PGM5: variants seen among roughly 807,000 people sequenced by gnomAD.
The protein encoded by PGM5 is phosphoglucomutase-like protein 5.
Under a neutral mutation model 59.2 loss-of-function variants are expected in PGM5, and 23 were observed. The ratio of observed to expected loss-of-function variants is 0.39; its 90% CI spans 0.28 to 0.55. The LOEUF (loss-of-function observed/expected upper bound fraction) is 0.55. Ranked by LOEUF, PGM5 falls within the 20% of genes least tolerant of loss-of-function variation. The pLI is 0.66. For missense variants in PGM5, 574 were observed against 748.3 expected (o/e 0.77, Z 2.72); for synonymous variants, 214 against 286.0 (o/e 0.75, Z 2.54).
chr9:68,518,981 A>G (rs1009173537), intron 10 of PGM5, among the ~76,000 whole-genome samples: 4 of 152,226 alleles, frequency 2.6e-5, no homozygotes. Flanking sequence ...ATCTAGACAC[A>G]TCAGGCTAAA....
chr9:68,427,468 C>G (rs1282505899), intron 6 of PGM5, among the ~76,000 whole-genome samples: 4 of 152,166 alleles, frequency 2.6e-5, no homozygotes, highest in African/African-American at 9.7e-5. Context: ...TCCAAATCCC[C>G]TCTGGAGCAG....
chr9:68,444,385 A>G lies in PGM5; in HGVS notation c.1044-20708A>G, dbSNP rs374871512. Among the ~76,000 whole-genome samples, 51 of 152,300 alleles carry G rather than the reference A, an allele frequency of 3.3e-4. 1 individual carries two copies. The South Asian group carries it at 7.9e-3, about 24-fold the overall frequency. On this transcript the variant is annotated intron_variant, in intron 6 of 10. Coordinates refer to ENST00000396396, the MANE Select transcript of PGM5 (RefSeq NM_021965.4). ...ATAAGGAAATGGGTCAAGTAGAATTATTGGGGTGCTAGAAGCAAGACCAAT... is the reference window on the plus strand; with the variant it reads ...ATAAGGAAATGGGTCAAGTAGAATTGTTGGGGTGCTAGAAGCAAGACCAAT...
At chr9:68,451,094 C>T (rs996575980) in intron 6 of PGM5, among the ~76,000 whole-genome samples, 3 of 152,160 alleles carry the variant, frequency 2.0e-5, no homozygotes, top group Non-Finnish European at 4.4e-5. Context: ...CATCCATACA[C>T]AAACACATAC....
At chr9:68,482,849 ACAT>A (rs1824220265) in intron 8 of PGM5, among the ~76,000 whole-genome samples, 1 of 152,276 alleles carries the variant, frequency 6.6e-6, no homozygotes, top group African/African-American at 2.4e-5. Flanking sequence ...CTCTTGGTAT[ACAT>A]CATCATATTT....
At chr9:68,370,098 G>A (rs1834755678) in intron 1 of PGM5, among the ~76,000 whole-genome samples, 1 of 151,822 alleles carries the variant, frequency 6.6e-6, no homozygotes, top group South Asian at 2.1e-4. Context: ...GCTTGCCACA[G>A]CCCTTCGTAG....
At chr9:68,440,980 G>A (rs1602751) in intron 6 of PGM5, among the ~76,000 whole-genome samples, 92,510 of 151,776 alleles carry the variant, frequency 0.61, 28,148 homozygotes, top group African/African-American at 0.63. Flanking sequence ...GAATACTACT[G>A]TAGACCCTTT....
chr9:68,398,782 T>C (rs1822582123), intron 6 of PGM5: 1 of 152,164 alleles, frequency 6.6e-6, no homozygotes, highest in African/African-American at 2.4e-5. Flanking sequence ...TGGCCCATCT[T>C]TTTGCTTATT....
chr9:68,361,742 A>G (rs1483512646), intron 1 of PGM5, among the ~76,000 whole-genome samples: 1 of 152,046 alleles, frequency 6.6e-6, no homozygotes, highest in Non-Finnish European at 1.5e-5. Flanking sequence ...TAATACCAGC[A>G]CCTTTGGGGT....
intron 6 of PGM5, among the ~76,000 whole-genome samples, chr9:68,449,836 C>T (rs782502234): frequency 3.3e-5 from 5 of 152,162 alleles, no homozygotes; most frequent in African/African-American, 4.8e-5. Context: ...TTACAAGTGT[C>T]GCAGAATTAA....
In PGM5 at chr9:68,430,991, C is replaced by G. The variant is rs141122883; in HGVS notation, c.1044-34102C>G. Among the ~76,000 whole-genome samples the G allele has an allele frequency of 3.0e-3, 458 of 152,162 alleles. 3 individuals are homozygous for G. The highest frequency in any genetic ancestry group is 4.1e-3 in the Non-Finnish European group (276 of 68,004). On this transcript the variant is annotated intron_variant, in intron 6 of 10. Transcript: ENST00000396396. ...AAAGACAGTCATACAGGTGTCATAC[C>G]CACCTTTTCCTCTAGAATATATTAT...
intron 1 of PGM5, among the ~76,000 whole-genome samples, chr9:68,366,263 G>A (rs1554676667): frequency 6.6e-6 from 1 of 151,878 alleles, no homozygotes; most frequent in South Asian, 2.1e-4. Flanking sequence ...ACTCACTGCA[G>A]CATTTTGCTA....
chr9:68,414,954 T>C (rs554012021), intron 6 of PGM5, among the ~76,000 whole-genome samples: 3 of 148,328 alleles, frequency 2.0e-5, no homozygotes, highest in Admixed American at 1.3e-4. Context: ...ATGATCATTA[T>C]GAAGCATTAG....
intron 1 of PGM5, among the ~76,000 whole-genome samples, chr9:68,361,787 C>T (rs1554676287): frequency 6.6e-6 from 1 of 151,934 alleles, no homozygotes; most frequent in Non-Finnish European, 1.5e-5. Context: ...GGAAGACATA[C>T]ACGTTCAGCC....
chr9:68,423,730 C>G (rs554577928), intron 6 of PGM5, among the ~76,000 whole-genome samples: 1 of 151,696 alleles, frequency 6.6e-6, no homozygotes, highest in East Asian at 1.9e-4. Flanking sequence ...CCTTGAAGAC[C>G]CTTTGCAATT....
intron 10 of PGM5, among the ~76,000 whole-genome samples, chr9:68,521,133 C>T (rs909434270): frequency 1.3e-5 from 2 of 152,164 alleles, no homozygotes; most frequent in Non-Finnish European, 2.9e-5. Context: ...CACTTGATTG[C>T]CATGTGACTG....
At chr9:68,400,597 A>C (rs528466012) in intron 6 of PGM5, 2 of 152,796 alleles carry the variant, frequency 1.3e-5, no homozygotes, top group African/African-American at 4.8e-5. Flanking sequence ...TTACAAAGAG[A>C]CATCTGGTGA....
intron 6 of PGM5, among the ~76,000 whole-genome samples, chr9:68,393,365 A>T (rs1489995249): frequency 7.3e-5 from 11 of 151,164 alleles, no homozygotes; most frequent in Non-Finnish European, 1.2e-4. Flanking sequence ...TATATAATTT[A>T]TTTGCCTGTG....
intron 6 of PGM5, chr9:68,405,671 T>TTCTCCCG: frequency 1.3e-5 from 2 of 154,028 alleles, no homozygotes; most frequent in Non-Finnish European, 2.9e-5. Flanking sequence ...CCCTTCTCCC[T>TTCTCCCG]CCTTCCTTCC....
At chr9:68,405,387 G>A in intron 6 of PGM5, 1 of 152,740 alleles carries the variant, frequency 6.5e-6, no homozygotes, top group East Asian at 1.9e-4. Flanking sequence ...TGATGGCAAA[G>A]GGGTATGATC....
Sources: gnomAD v4.1 joint callset for allele counts (sites outside exome capture counted in the v4.1 genomes callset) on GRCh38, gnomAD v4.1.1 for gene constraint, MANE v1.5 for transcripts, NCBI Gene and HGNC (gene_info 2026-07-23, HGNC 2026-07-21) for gene names.